PDZD2: variants seen among roughly 807,000 people sequenced by gnomAD.
PDZD2 encodes the protein PDZ domain containing 2, also known as PDZ domain-containing protein 2.
A neutral mutation model predicts 220.7 loss-of-function variants in PDZD2; 90 were observed. The ratio of observed to expected loss-of-function variants is 0.41; its 90% CI spans 0.34 to 0.49. PDZD2 has a LOEUF of 0.49. PDZD2 is among the 20% of genes least tolerant of loss of function. The pLI is 0.28. For synonymous variants in PDZD2, 1,375 were observed against 1,450.5 expected (o/e 0.95, Z 1.18); for missense variants, 3,174 against 3,608.5 (o/e 0.88, Z 3.08).
intron 20 of PDZD2, among the ~76,000 whole-genome samples, chr5:32,092,516 G>A (rs1388871258): frequency 6.6e-6 from 1 of 152,200 alleles, no homozygotes; most frequent in African/African-American, 2.4e-5. Context: ...AGGTTGCAGT[G>A]AGCTGAGATC....
At chr5:32,056,395 G>T (rs1739083597) in intron 10 of PDZD2, among the ~76,000 whole-genome samples, 5 of 152,184 alleles carry the variant, frequency 3.3e-5, no homozygotes, top group Admixed American at 3.3e-4. Context: ...ATGCTGCTTT[G>T]CACTTTCTTA....
intron 1 of PDZD2, among the ~76,000 whole-genome samples, chr5:31,645,246 G>T (rs1271490240): frequency 1.3e-5 from 2 of 152,020 alleles, no homozygotes; most frequent in African/African-American, 4.8e-5. Flanking sequence ...GGCATATTTG[G>T]CCCTTAACAC....
chr5:32,062,478 C>T (rs1739779529), intron 14 of PDZD2, among the ~76,000 whole-genome samples: 1 of 151,268 alleles, frequency 6.6e-6, no homozygotes, highest in South Asian at 2.1e-4. Flanking sequence ...ACTGCAACCT[C>T]GACTTCCCGG....
chr5:31,769,627 G>A (rs571990872), intron 1 of PDZD2, among the ~76,000 whole-genome samples: 37 of 152,302 alleles, frequency 2.4e-4, no homozygotes, highest in African/African-American at 8.2e-4. Context: ...ACTTTGAAAC[G>A]CTGTTGTGTT....
chr5:31,988,977 C>T (rs939538319), intron 3 of PDZD2, among the ~76,000 whole-genome samples: 52 of 152,194 alleles, frequency 3.4e-4, no homozygotes, highest in African/African-American at 1.2e-3. Context: ...CATTCATGCC[C>T]GAGCCCGACG....
At chr5:32,064,624 G>A (rs959308234) in intron 14 of PDZD2, among the ~76,000 whole-genome samples, 1 of 152,140 alleles carries the variant, frequency 6.6e-6, no homozygotes, top group African/African-American at 2.4e-5. Flanking sequence ...CTCTAATGTT[G>A]TGGTTAAGTT....
intron 2 of PDZD2, among the ~76,000 whole-genome samples, chr5:31,850,243 T>TATATATATATATATATATATAC (rs577432352): frequency 3.3e-5 from 4 of 122,230 alleles, no homozygotes; most frequent in African/African-American, 1.2e-4. Flanking sequence ...TATATATATA[T>TATATATATATATATATATATAC]ACACACACAC....
intron 2 of PDZD2, among the ~76,000 whole-genome samples, chr5:31,813,536 C>T (rs28664240): frequency 0.062 from 9,365 of 150,650 alleles, 427 homozygotes; most frequent in African/African-American, 0.13. Flanking sequence ...TTTAAAATTA[C>T]GTATTACTAA....
chr5:32,095,796 A>G lies in PDZD2; in HGVS notation c.7846-1483A>G, dbSNP rs113823701. ...CGCTCTGTTGCCCAGGCTGGAGTGCAGTGGCGTGATCTCGGCTCACTGCAA... is the reference window on the plus strand; with the variant it reads ...CGCTCTGTTGCCCAGGCTGGAGTGCGGTGGCGTGATCTCGGCTCACTGCAA... On this transcript the variant is annotated intron_variant, in intron 21 of 24. Coordinates refer to ENST00000438447, the MANE Select transcript of PDZD2 (RefSeq NM_178140.4). Among the ~76,000 whole-genome samples, 630 of 144,912 alleles carry G rather than the reference A, an allele frequency of 4.3e-3. 1 individual carries two copies. Among genetic ancestry groups the G allele is most frequent in the Middle Eastern group, 7.5e-3 (2 of 268 alleles).
intron 1 of PDZD2, among the ~76,000 whole-genome samples, chr5:31,665,679 G>T (rs1197648148): frequency 1.5e-5 from 2 of 137,522 alleles, no homozygotes; most frequent in African/African-American, 2.7e-5. Context: ...TTGTGAAAAG[G>T]TTCCTGCTTG....
chr5:31,641,787 C>A (rs1227545492), intron 1 of PDZD2, among the ~76,000 whole-genome samples: 1 of 152,162 alleles, frequency 6.6e-6, no homozygotes, highest in Non-Finnish European at 1.5e-5. Flanking sequence ...CTGCGCCCAA[C>A]CTGGCCCCTC....
chr5:31,856,718 T>C (rs969517143), intron 2 of PDZD2, among the ~76,000 whole-genome samples: 1 of 152,116 alleles, frequency 6.6e-6, no homozygotes, highest in Non-Finnish European at 1.5e-5. Flanking sequence ...GGTGAGTCCA[T>C]TGCACTGTTT....
chr5:31,666,376 C>T (rs768973655), intron 1 of PDZD2, among the ~76,000 whole-genome samples: 7 of 152,212 alleles, frequency 4.6e-5, no homozygotes, highest in Non-Finnish European at 8.8e-5. Context: ...GAGCATATTT[C>T]TCCTGCAGCC....
At chr5:31,935,990 C>A in intron 2 of PDZD2, 2 of 544,366 alleles carry the variant, frequency 3.7e-6, no homozygotes, top group Non-Finnish European at 4.7e-6. Context: ...CAGCCTGGTT[C>A]CAATACACTG....
intron 1 of PDZD2, among the ~76,000 whole-genome samples, chr5:31,651,386 TG>T (rs1334517030): frequency 6.6e-6 from 1 of 152,148 alleles, no homozygotes; most frequent in African/African-American, 2.4e-5. Flanking sequence ...GCATGTAAGG[TG>T]TCACTCATTG....
At chr5:32,050,056 A>G (rs56402282) in intron 8 of PDZD2, among the ~76,000 whole-genome samples, 37,647 of 152,140 alleles carry the variant, frequency 0.25, 5,228 homozygotes, top group Admixed American at 0.31. Context: ...TCAGCCTCTC[A>G]AGTACCTGGG....
intron 6 of PDZD2, among the ~76,000 whole-genome samples, chr5:32,035,484 C>G (rs951411174): frequency 1.3e-5 from 2 of 151,992 alleles, no homozygotes; most frequent in Non-Finnish European, 2.9e-5. Context: ...TGGTCTTGAA[C>G]TCCTGACCTC....
At chr5:31,961,515 C>G (rs1237202194) in intron 2 of PDZD2, among the ~76,000 whole-genome samples, 1 of 152,068 alleles carries the variant, frequency 6.6e-6, no homozygotes, top group Non-Finnish European at 1.5e-5. Context: ...ACCTGGGCAA[C>G]AGAGTGAAAT....
intron 2 of PDZD2, among the ~76,000 whole-genome samples, chr5:31,817,510 C>G (rs1405978633): frequency 6.6e-6 from 1 of 151,986 alleles, no homozygotes; most frequent in Non-Finnish European, 1.5e-5. Context: ...AAAAAAGTAG[C>G]ACCCATTTGT....
Sources: gnomAD v4.1 joint callset for allele counts (sites outside exome capture counted in the v4.1 genomes callset) on GRCh38, gnomAD v4.1.1 for gene constraint, MANE v1.5 for transcripts, NCBI Gene and HGNC (gene_info 2026-07-23, HGNC 2026-07-21) for gene names.